Variants in ABCC4 observed in about 807,000 individuals in gnomAD.
ABCC4 encodes the protein ATP binding cassette subfamily C member 4 (PEL blood group).
ABCC4 carries 102 observed loss-of-function variants against 168.5 expected under a neutral mutation model. The ratio of observed to expected loss-of-function variants is 0.61; its 90% CI spans 0.52 to 0.71. The LOEUF (loss-of-function observed/expected upper bound fraction) is 0.71, where lower values mean the gene tolerates loss of function less well. Among genes scored for constraint, ABCC4 ranks in the 30% least tolerant of loss-of-function variants. The pLI is 0.00. For missense variants in ABCC4, 1,402 were observed against 1,605.8 expected, an observed-to-expected ratio of 0.87 and a Z score of 2.17; for synonymous variants, 617 against 590.7, an observed-to-expected ratio of 1.04 and a Z score of -0.65.
At chr13:95,285,003 T>G (rs1323657609) in intron 1 of ABCC4, among the ~76,000 whole-genome samples, 1 of 152,136 alleles carries the variant, frequency 6.6e-6, no homozygotes, top group Admixed American at 6.6e-5. Context: ...CCTAGCAGAA[T>G]GAGAGGCCGA....
rs752757656 is a variant in ABCC4, at chr13:95,186,718, C to T, written c.1528G>A (p.Ala510Thr). 5.6e-6 allele frequency: 9 copies of T among 1,613,798 alleles called. No homozygotes were observed. Among genetic ancestry groups the T allele is most frequent in the Non-Finnish European group, 5.9e-6 (7 of 1,179,850 alleles). Residue 510 changes from alanine (A) to threonine (T), a missense_variant, in exon 11 of 31, where the codon GCT (alanine) becomes ACT (threonine). This residue lies in a region of ABCC4 where 1,007 missense variants were observed against 1,127.3 expected (regional missense o/e 0.89). Transcript: ENST00000645237. ...EKERYEKVIK[A>T]CALKKDLQLL... The stretch of plus-strand genomic sequence containing the variant: ...TCACTCACCTTTTTCAGAGCACAAG[C>T]CTTTATGACTTTTTCATATCGTTCC...
intron 1 of ABCC4, among the ~76,000 whole-genome samples, chr13:95,254,032 A>C (rs1408865579): frequency 6.6e-6 from 1 of 152,086 alleles, no homozygotes; most frequent in Non-Finnish European, 1.5e-5. Context: ...AGCTGGGATA[A>C]CAAGGCACGT....
chr13:95,288,477 T>C (rs1333070280), intron 1 of ABCC4, among the ~76,000 whole-genome samples: 1 of 152,184 alleles, frequency 6.6e-6, no homozygotes, highest in East Asian at 1.9e-4. Flanking sequence ...TAAATAAGAC[T>C]TAAAGACTTA....
chr13:95,212,537 C>G (rs971188392), intron 4 of ABCC4, among the ~76,000 whole-genome samples: 2 of 152,166 alleles, frequency 1.3e-5, no homozygotes, highest in African/African-American at 2.4e-5. Context: ...GAACTATCAT[C>G]CACAGATTGT....
intron 1 of ABCC4, among the ~76,000 whole-genome samples, chr13:95,271,748 C>G (rs534316909): frequency 2.6e-5 from 4 of 152,232 alleles, no homozygotes; most frequent in African/African-American, 9.6e-5. Flanking sequence ...CTAACAGAAA[C>G]AGAGCACGCA....
chr13:95,153,462 C>T (rs541399799), intron 19 of ABCC4, among the ~76,000 whole-genome samples: 2 of 152,000 alleles, frequency 1.3e-5, no homozygotes, highest in South Asian at 2.1e-4. Context: ...TTACATATAT[C>T]GAGAGAGACA....
In ABCC4 at chr13:95,196,558, A is replaced by AAGGAAAGGAGGAAAGG. The variant is rs1472966909; in HGVS notation, c.1162-1637_1162-1622dup. On this transcript the variant is annotated intron_variant, in intron 8 of 30. Coordinates refer to ENST00000645237, the MANE Select transcript of ABCC4 (RefSeq NM_005845.5). ...TGCAAGACCCTGTCAAAAAAAATAA[A>AAGGAAAGGAGGAAAGG]AGGAAAGGAGGAAAGGAGGAAAGGA... Among the ~76,000 whole-genome samples the AAGGAAAGGAGGAAAGG allele has an allele frequency of 9.2e-5, 12 of 131,136 alleles. No individual in the cohort carries two copies. In the East Asian group the frequency reaches 1.3e-3, roughly 14 times the overall value. The allele number at this position is 131,136 out of a possible 152,430, so 86.0% of individuals were successfully genotyped here.
chr13:95,126,730 T>TATATATATATTCCAAA (rs1555316755), intron 19 of ABCC4, among the ~76,000 whole-genome samples: 3 of 80,534 alleles, frequency 3.7e-5, no homozygotes, highest in African/African-American at 1.9e-4. Context: ...AATATATATA[T>TATATATATATTCCAAA]ATATATATAT....
chr13:95,271,066 G>A (rs958616597), intron 1 of ABCC4, among the ~76,000 whole-genome samples: 7 of 152,184 alleles, frequency 4.6e-5, no homozygotes, highest in Non-Finnish European at 8.8e-5. Flanking sequence ...CTGCACTCCA[G>A]CCTGGGGGAC....
At chr13:95,140,709 G>T (rs564922609) in intron 19 of ABCC4, among the ~76,000 whole-genome samples, 1 of 152,244 alleles carries the variant, frequency 6.6e-6, no homozygotes, top group South Asian at 2.1e-4. Flanking sequence ...CAGCTGACAC[G>T]TTTGCAGTTA....
In ABCC4 at chr13:95,247,623, C is replaced by G. The variant is rs765352569; in HGVS notation, c.185+20G>C. The G allele has an allele frequency of 5.6e-6, 9 of 1,598,260 alleles. No individual in the cohort carries two copies. The highest frequency in any genetic ancestry group is 6.9e-6 in the Non-Finnish European group (8 of 1,166,074). On this transcript the variant is annotated intron_variant, in intron 2 of 30. Coordinates refer to ENST00000645237, the MANE Select transcript of ABCC4 (RefSeq NM_005845.5). Reference sequence around the variant, plus strand: ...GACACCCACGCTTCCTTAATGCCCACTTTACTGCCTCCGACTTACCCTTGC... The same window carrying G: ...GACACCCACGCTTCCTTAATGCCCAGTTTACTGCCTCCGACTTACCCTTGC...
intron 20 of ABCC4, among the ~76,000 whole-genome samples, chr13:95,089,810 GA>G (rs941155661): frequency 6.8e-4 from 103 of 151,274 alleles, no homozygotes; most frequent in Non-Finnish European, 1.4e-3. Context: ...CCCAGGAGAT[GA>G]AAGTTGCAGT....
chr13:95,114,841 C>G (rs1276216998), intron 20 of ABCC4, among the ~76,000 whole-genome samples: 1 of 152,160 alleles, frequency 6.6e-6, no homozygotes, highest in Non-Finnish European at 1.5e-5. Context: ...TCTAAAGCAT[C>G]TGAGCATTGA....
chr13:95,090,470 C>A (rs1238736435), intron 20 of ABCC4, among the ~76,000 whole-genome samples: 1 of 152,186 alleles, frequency 6.6e-6, no homozygotes, highest in Non-Finnish European at 1.5e-5. Flanking sequence ...CAGACAACCG[C>A]CAGTGCCAAC....
intron 20 of ABCC4, among the ~76,000 whole-genome samples, chr13:95,100,868 G>A (rs2034777598): frequency 6.6e-6 from 1 of 152,194 alleles, no homozygotes; most frequent in Admixed American, 6.5e-5. Flanking sequence ...GGAGTTGGGG[G>A]AAGGGGTGAA....
chr13:95,123,224 C>T (rs536081762), intron 19 of ABCC4, among the ~76,000 whole-genome samples: 144 of 152,298 alleles, frequency 9.5e-4, no homozygotes, highest in Non-Finnish European at 1.7e-3. Flanking sequence ...TAATCTCCTA[C>T]TTTGGACTCA....
chr13:95,252,280 T>G (rs2040284769), intron 1 of ABCC4, among the ~76,000 whole-genome samples: 1 of 152,234 alleles, frequency 6.6e-6, no homozygotes, highest in South Asian at 2.1e-4. Context: ...GAACCTTCTA[T>G]CAACGAAATG....
intron 20 of ABCC4, among the ~76,000 whole-genome samples, chr13:95,111,289 A>G (rs1044010026): frequency 6.6e-6 from 1 of 152,232 alleles, no homozygotes. Flanking sequence ...AAAAGCAGAC[A>G]AGAAAAACAT....
chr13:95,186,356 C>G (rs754863391), intron 11 of ABCC4, among the ~76,000 whole-genome samples: 1 of 152,060 alleles, frequency 6.6e-6, no homozygotes, highest in African/African-American at 2.4e-5. Context: ...ACAAGTTGAT[C>G]GCACTTGAAC....
Sources: gnomAD v4.1 joint callset for allele counts (sites outside exome capture counted in the v4.1 genomes callset) on GRCh38, gnomAD v4.1.1 for gene constraint, gnomAD v4.1.1 regional missense constraint, MANE v1.5 for transcripts, NCBI Gene and HGNC (gene_info 2026-07-23, HGNC 2026-07-21) for gene names.